NECAB1: variants seen among roughly 807,000 people sequenced by gnomAD.
NECAB1 encodes N-terminal EF-hand calcium binding protein 1.
In NECAB1, 29 loss-of-function variants were observed where a neutral mutation model predicts 57.5. That is an observed-to-expected ratio of 0.50 (90% confidence interval 0.38 to 0.69). The LOEUF (loss-of-function observed/expected upper bound fraction) is 0.69, where lower values mean the gene tolerates loss of function less well. Among genes scored for constraint, NECAB1 ranks in the 30% least tolerant of loss-of-function variants. The pLI is 0.00. For synonymous variants in NECAB1, 142 were observed against 147.7 expected (o/e 0.96, Z 0.28); for missense variants, 372 against 413.8 (o/e 0.90, Z 0.88).
chr8:90,826,897 A>C (rs2129712389), intron 3 of NECAB1, among the ~76,000 whole-genome samples: 1 of 152,026 alleles, frequency 6.6e-6, no homozygotes, highest in Admixed American at 6.6e-5. Context: ...AATTATTACT[A>C]CCAGTTTCTC....
intron 5 of NECAB1, among the ~76,000 whole-genome samples, chr8:90,903,129 A>G (rs955814037): frequency 1.3e-5 from 2 of 151,984 alleles, no homozygotes; most frequent in South Asian, 2.1e-4. Flanking sequence ...AAAAAACAAT[A>G]TATTATAGAT....
At chr8:90,806,026 C>A (rs962718702) in intron 2 of NECAB1, among the ~76,000 whole-genome samples, 1 of 152,142 alleles carries the variant, frequency 6.6e-6, no homozygotes, top group African/African-American at 2.4e-5. Context: ...AGTGAGATTG[C>A]ACAGTATTTG....
intron 4 of NECAB1, 56 bp downstream of exon 4, chr8:90,872,209 G>GTAT: frequency 7.3e-7 from 1 of 1,371,228 alleles, no homozygotes; most frequent in Non-Finnish European, 1.0e-6. Context: ...AGGAAAAAGA[G>GTAT]TATTGTCTGA....
chr8:90,854,316 C>T (rs1469012416), intron 3 of NECAB1, among the ~76,000 whole-genome samples: 2 of 152,056 alleles, frequency 1.3e-5, no homozygotes, highest in South Asian at 4.2e-4. Flanking sequence ...AATGAAAACG[C>T]TATGTCTGTA....
intron 1 of NECAB1, among the ~76,000 whole-genome samples, chr8:90,799,978 C>A (rs1349612784): frequency 6.6e-6 from 1 of 152,130 alleles, no homozygotes; most frequent in East Asian, 1.9e-4. Context: ...TCTATGATTT[C>A]TTTCAGCAGT....
chr8:90,836,852 A>G (rs1283975810), intron 3 of NECAB1, among the ~76,000 whole-genome samples: 1 of 152,350 alleles, frequency 6.6e-6, no homozygotes, highest in South Asian at 2.1e-4. Flanking sequence ...TATGGGATGC[A>G]GACATACTGA....
intron 12 of NECAB1, among the ~76,000 whole-genome samples, chr8:90,954,210 T>G (rs937970227): frequency 6.6e-6 from 1 of 152,216 alleles, no homozygotes; most frequent in East Asian, 1.9e-4. Context: ...TATTTCTAAT[T>G]TTACTCACAA....
At chr8:90,858,911 G>A (rs972299495) in intron 3 of NECAB1, 3 of 152,174 alleles carry the variant, frequency 2.0e-5, no homozygotes, top group Non-Finnish European at 2.9e-5. Context: ...AACAAGCCAC[G>A]AGAGTTCAAA....
chr8:90,917,293 C>T (rs951078727), intron 5 of NECAB1, among the ~76,000 whole-genome samples, 199 bp from the exon 6 acceptor site: 6 of 152,006 alleles, frequency 3.9e-5, no homozygotes, highest in Admixed American at 3.9e-4. Flanking sequence ...GTCATTTCTG[C>T]AGCTTTTTTA....
At chr8:90,885,279 G>T (rs1345137006) in intron 5 of NECAB1, among the ~76,000 whole-genome samples, 1 of 152,210 alleles carries the variant, frequency 6.6e-6, no homozygotes, top group Non-Finnish European at 1.5e-5. Flanking sequence ...ACATAGTAAT[G>T]TCTGGGCAGG....
At chr8:90,947,352 A>AC (rs376923668) in intron 10 of NECAB1, among the ~76,000 whole-genome samples, 14 of 80,194 alleles carry the variant, frequency 1.7e-4, no homozygotes, top group South Asian at 1.1e-3. Context: ...ACACACACAC[A>AC]ATAAGCCAAG....
At chr8:90,940,679 A>G (rs1810646942) in intron 9 of NECAB1, 107 bp from the exon 10 acceptor site, 1 of 769,798 alleles carries the variant, frequency 1.3e-6, no homozygotes, top group Middle Eastern at 3.7e-4. Flanking sequence ...ATATTTTTGG[A>G]TGACAATCAT....
At chr8:90,834,113 A>C (rs2129728159) in intron 3 of NECAB1, among the ~76,000 whole-genome samples, 1 of 141,664 alleles carries the variant, frequency 7.1e-6, no homozygotes, top group East Asian at 2.3e-4. Flanking sequence ...CAGTGAGCTG[A>C]GACTGTGCAC....
chr8:90,792,109 C>A, intron 1 of NECAB1, 124 bp downstream of exon 1: 2 of 726,892 alleles, frequency 2.8e-6, no homozygotes, highest in Non-Finnish European at 4.6e-6. Flanking sequence ...GCGAGAACTA[C>A]CGATGCAAAT....
At chr8:90,920,266 T>C (rs1476941040) in intron 6 of NECAB1, among the ~76,000 whole-genome samples, 1 of 152,056 alleles carries the variant, frequency 6.6e-6, no homozygotes, top group South Asian at 2.1e-4. Flanking sequence ...AAGAAATGCA[T>C]AAACAAGCAA....
At chr8:90,888,373 A>G (rs1185603979) in intron 5 of NECAB1, among the ~76,000 whole-genome samples, 1 of 152,214 alleles carries the variant, frequency 6.6e-6, no homozygotes, top group East Asian at 1.9e-4. Flanking sequence ...TTGAAATTCT[A>G]AAAGCTAGAT....
chr8:90,850,401 G>A (rs1314805418), intron 3 of NECAB1, among the ~76,000 whole-genome samples: 5 of 152,194 alleles, frequency 3.3e-5, no homozygotes, highest in East Asian at 1.9e-4. Context: ...TAAGGAATCA[G>A]TAAAATTAAT....
chr8:90,907,141 T>TGAGAGA lies in NECAB1; in HGVS notation c.358-10350_358-10349insAGAGAG, dbSNP rs1352529506. Among the ~76,000 whole-genome samples, 163 of 127,048 alleles carry TGAGAGA rather than the reference T, an allele frequency of 1.3e-3. 1 individual carries two copies. The highest frequency in any genetic ancestry group is 6.5e-3 in the Admixed American group (73 of 11,228). The allele number at this position is 127,048 out of a possible 152,430, so 83.3% of individuals were successfully genotyped here. A position where few individuals can be genotyped will look rare whatever the true frequency, so the allele number is the denominator to read the frequency against. ...CCAATTTTGTGTGTGTGTGTGTGTG[T>TGAGAGA]GTGTGTGTGTGAGAGAGAGAGAGAG... is the stretch of plus-strand genomic sequence containing the variant. On this transcript the variant is annotated intron_variant, in intron 5 of 12. Transcript: ENST00000417640.
At chr8:90,931,513 G>T (rs1028479519) in intron 8 of NECAB1, among the ~76,000 whole-genome samples, 1 of 152,160 alleles carries the variant, frequency 6.6e-6, no homozygotes, top group Non-Finnish European at 1.5e-5. Context: ...CTATAAATAG[G>T]TTTCTTTAGG....
Sources: allele counts gnomAD v4.1 joint callset (sites outside exome capture counted in the v4.1 genomes callset), GRCh38; gene constraint gnomAD v4.1.1; transcripts MANE v1.5; gene names NCBI Gene and HGNC (gene_info 2026-07-23, HGNC 2026-07-21).